The following PGPEP1 variants were observed in gnomAD, a reference collection of about 807,000 sequenced individuals.
The protein encoded by PGPEP1 is pyroglutamyl-peptidase 1.
PGPEP1 carries 15 observed loss-of-function variants against 24.1 expected under a neutral mutation model. The observed-to-expected ratio is 0.62, with a 90% CI of 0.42 to 0.96. The LOEUF (loss-of-function observed/expected upper bound fraction) is 0.96, where lower values mean the gene tolerates loss of function less well. Among genes scored for constraint, PGPEP1 ranks in the 40% least tolerant of loss-of-function variants. The pLI is 0.00. For missense variants in PGPEP1, 242 were observed against 273.4 expected (o/e 0.89, Z 0.81); for synonymous variants, 122 against 116.4 (o/e 1.05, Z -0.31).
At position 18,360,811 on chromosome 19, in the gene PGPEP1, C is replaced by T. The variant is rs1402731202; in HGVS notation, c.438-2580C>T. Among the ~76,000 whole-genome samples the T allele has an allele frequency of 2.0e-5, 3 of 151,838 alleles. No homozygotes were observed. In the East Asian group the frequency reaches 5.8e-4, roughly 30 times the overall value. ...AAGTGCTGGGATTACAGGCATGAGC[C>T]ACCGCGCCTGGCCTAATTTTATTTT... On this transcript the variant is annotated intron_variant, in intron 4 of 4. Coordinates refer to ENST00000269919, the MANE Select transcript of PGPEP1 (RefSeq NM_017712.4).
rs1394790925 is a variant in PGPEP1, at chr19:18,368,916, C to T, written c.*5333C>T. 6.6e-5 allele frequency: 10 copies of T among 152,496 alleles called. No homozygotes were observed. Among genetic ancestry groups the T allele is most frequent in the Non-Finnish European group, 1.5e-5 (1 of 68,088 alleles). The allele number at this position is 152,496 out of a possible 1,614,324, so 9.4% of individuals were successfully genotyped here. ...AGGTTGCCCCATGCAGCCACCCATCCTCAGCATCCTAACTTGAGGGGGCAG... is the reference window on the plus strand; with the variant it reads ...AGGTTGCCCCATGCAGCCACCCATCTTCAGCATCCTAACTTGAGGGGGCAG... On this transcript the variant is annotated 3_prime_UTR_variant, in exon 5 of 5. Coordinates refer to ENST00000269919, the MANE Select transcript of PGPEP1 (RefSeq NM_017712.4).
chr19:18,348,226 G>A (rs1272260134), intron 2 of PGPEP1, among the ~76,000 whole-genome samples: 5 of 152,090 alleles, frequency 3.3e-5, no homozygotes, highest in African/African-American at 7.2e-5. Flanking sequence ...TCCGGGGCTC[G>A]GGGCCATCTG....
At chr19:18,363,036 T>TGTGTGTGTGTGG (rs1174245565) in intron 4 of PGPEP1, among the ~76,000 whole-genome samples, 1 of 95,044 alleles carries the variant, frequency 1.1e-5, no homozygotes, top group Non-Finnish European at 2.3e-5. Context: ...TTTTTGTTTG[T>TGTGTGTGTGTGG]GTGTGTGTGT....
intron 2 of PGPEP1, among the ~76,000 whole-genome samples, chr19:18,352,533 G>A (rs570857930): frequency 6.6e-6 from 1 of 151,894 alleles, no homozygotes; most frequent in East Asian, 1.9e-4. Context: ...CGGAACGGAT[G>A]GTGGGGCCTT....
Position 18,355,913 on chromosome 19 carries a change from C to T in PGPEP1, c.106C>T (p.Leu36Phe). The change falls in exon 3 of 5, where the codon CTT (leucine) becomes TTT (phenylalanine). Residue 36 changes from leucine to phenylalanine, a missense_variant. Transcript: ENST00000269919. ...CTTCCAGGAGCTAGAAAAGCTAGGCCTTGGCGACAGCGTGGACCTGCATGT... is the reference window on the plus strand; with the variant it reads ...CTTCCAGGAGCTAGAAAAGCTAGGCTTTGGCGACAGCGTGGACCTGCATGT... ...IAVQELEKLG[L>F]GDSVDLHVYE... The T allele has an allele frequency of 6.2e-7, 1 of 1,612,724 alleles. No individual in the cohort carries two copies. The highest frequency in any genetic ancestry group is 8.5e-7 in the Non-Finnish European group (1 of 1,178,888).
intron 4 of PGPEP1, chr19:18,357,873 C>T: frequency 2.0e-6 from 1 of 509,794 alleles, no homozygotes; most frequent in South Asian, 2.3e-5. Flanking sequence ...GCCCCAGCCT[C>T]CATCTCAGTC....
intron 2 of PGPEP1, among the ~76,000 whole-genome samples, chr19:18,346,998 C>T (rs1970868211): frequency 6.6e-6 from 1 of 152,040 alleles, no homozygotes; most frequent in Middle Eastern, 3.4e-3. Flanking sequence ...CTCTCTCTCT[C>T]TGGGTTTCTC....
intron 2 of PGPEP1, chr19:18,349,163 T>C: frequency 1.1e-6 from 1 of 912,666 alleles, no homozygotes; most frequent in Non-Finnish European, 1.3e-6. Context: ...TTCTTTCTTG[T>C]TTTTTTGTTT....
Position 18,363,695 on chromosome 19 carries a change from T to G in PGPEP1, c.*112T>G, listed in dbSNP as rs1971423533. 1 of 700,706 alleles carries G rather than the reference T, an allele frequency of 1.4e-6. No individual in the cohort carries two copies. The highest frequency in any genetic ancestry group is 2.0e-5 in the South Asian group (1 of 49,258). The allele number at this position is 700,706 out of a possible 1,614,324, so 43.4% of individuals were successfully genotyped here. A position where few individuals can be genotyped will look rare whatever the true frequency, so the allele number is the denominator to read the frequency against. ...AGCTCTTCAGCTTGGGGATCCGATC[T>G]GGAAGAGAGATTCTGATCTGCCCAC... On this transcript the variant is annotated 3_prime_UTR_variant, in exon 5 of 5. Coordinates refer to ENST00000269919, the MANE Select transcript of PGPEP1 (RefSeq NM_017712.4).
intron 2 of PGPEP1, among the ~76,000 whole-genome samples, chr19:18,355,268 C>CT (rs377443163): frequency 2.3e-3 from 329 of 145,578 alleles, no homozygotes; most frequent in African/African-American, 7.8e-3. Flanking sequence ...CGCACCTGGC[C>CT]TTTTTTTTTG....
rs757653232 is a variant in PGPEP1, at chr19:18,357,437, T to C, written c.259T>C (p.Cys87Arg). 3 of 1,613,892 alleles carry C rather than the reference T, an allele frequency of 1.9e-6. No homozygotes were observed. The highest frequency in any genetic ancestry group is 1.3e-5 in the African/African-American group (1 of 74,980). Reference protein sequence around the residue: ...GMATTVTLEKCGHNKGYKGLD... With the variant: ...GMATTVTLEKRGHNKGYKGLD... ...GGCGACCACAGTCACACTGGAGAAA[T>C]GTGGACACAACAAGGGCTACAAGGG... Residue 87 changes from cysteine to arginine, a missense_variant, in exon 4 of 5, where the codon TGT (cysteine) becomes CGT (arginine). Transcript: ENST00000269919.
chr19:18,351,250 A>ATGAG (rs1465339005), intron 2 of PGPEP1, among the ~76,000 whole-genome samples: 1 of 151,758 alleles, frequency 6.6e-6, no homozygotes. Context: ...GGGTGACAGA[A>ATGAG]TGAGACTCCA....
In PGPEP1 at chr19:18,363,391, A is replaced by G; in HGVS notation, c.438A>G (p.Arg146=). Reference sequence around the variant, plus strand: ...TTACCCGCCACGCCCTGCGGCTTAGATATCTCTGCGACTTTACCTACTACA... The same window carrying G: ...TTACCCGCCACGCCCTGCGGCTTAGGTATCTCTGCGACTTTACCTACTACA... ...VSVTISQDAG[R]YLCDFTYYTS... The change falls in exon 5 of 5, where the codon AGA becomes AGG. Residue 146 remains arginine, a splice_region_variant and synonymous_variant. Coordinates refer to ENST00000269919, the MANE Select transcript of PGPEP1 (RefSeq NM_017712.4). 1 of 1,604,222 alleles carries G rather than the reference A, an allele frequency of 6.2e-7. No individual in the cohort carries two copies. Among genetic ancestry groups the G allele is most frequent in the Non-Finnish European group, 8.5e-7 (1 of 1,171,714 alleles).
At chr19:18,345,064 G>A (rs747501935) in intron 2 of PGPEP1, among the ~76,000 whole-genome samples, 5 of 151,982 alleles carry the variant, frequency 3.3e-5, no homozygotes, top group Admixed American at 6.6e-5. Context: ...GCAATGTCAC[G>A]GTATCAGCTC....
At chr19:18,341,969 G>A (rs973334131) in intron 1 of PGPEP1, among the ~76,000 whole-genome samples, 2 of 151,688 alleles carry the variant, frequency 1.3e-5, no homozygotes, top group Admixed American at 6.6e-5. Flanking sequence ...GCACAACGGC[G>A]CGATCTCGGC....
chr19:18,356,831 G>T (rs1468560526), intron 3 of PGPEP1, among the ~76,000 whole-genome samples: 1 of 152,100 alleles, frequency 6.6e-6, no homozygotes, highest in Non-Finnish European at 1.5e-5. Flanking sequence ...CGGAGGTCAG[G>T]AGTTTGATCC....
At position 18,355,793 on chromosome 19, in the gene PGPEP1, G is replaced by A; in HGVS notation, c.88-102G>A. The A allele has an allele frequency of 8.1e-6, 6 of 743,262 alleles. 1 individual carries two copies. Among genetic ancestry groups the A allele is most frequent in the South Asian group, 7.3e-5 (5 of 68,472 alleles). The allele number at this position is 743,262 out of a possible 1,614,324, so 46.0% of individuals were successfully genotyped here. A position where few individuals can be genotyped will look rare whatever the true frequency, so the allele number is the denominator to read the frequency against. ...CAACACACACCCTTGCCATCCTGCA[G>A]AATGAGTCTGGAGAACGCCTGTTTG... On this transcript the variant is annotated intron_variant, in intron 2 of 4. Transcript: ENST00000269919.
Position 18,355,916 on chromosome 19 carries a change from G to C in PGPEP1, c.109G>C (p.Gly37Arg). ...CCAGGAGCTAGAAAAGCTAGGCCTTGGCGACAGCGTGGACCTGCATGTGTA... is the reference window on the plus strand; with the variant it reads ...CCAGGAGCTAGAAAAGCTAGGCCTTCGCGACAGCGTGGACCTGCATGTGTA... ...AVQELEKLGL[G>R]DSVDLHVYEI... Residue 37 changes from glycine (G) to arginine (R), a missense_variant, in exon 3 of 5, where the codon GGC (glycine) becomes CGC (arginine). Coordinates refer to ENST00000269919, the MANE Select transcript of PGPEP1 (RefSeq NM_017712.4). 2 of 1,612,780 alleles carry C rather than the reference G, an allele frequency of 1.2e-6. No homozygotes were observed. Among genetic ancestry groups the C allele is most frequent in the Non-Finnish European group, 1.7e-6 (2 of 1,178,926 alleles).
chr19:18,360,124 C>T (rs1258551934), intron 4 of PGPEP1, among the ~76,000 whole-genome samples: 1 of 152,150 alleles, frequency 6.6e-6, no homozygotes, highest in Non-Finnish European at 1.5e-5. Flanking sequence ...CCGCCTCAGC[C>T]TCCCGAGTAG....
Sources: gnomAD v4.1 joint callset for allele counts (sites outside exome capture counted in the v4.1 genomes callset) on GRCh38, gnomAD v4.1.1 for gene constraint, MANE v1.5 for transcripts, NCBI Gene and HGNC (gene_info 2026-07-23, HGNC 2026-07-21) for gene names.